The following C6 variants were observed in gnomAD, a reference collection of about 807,000 sequenced individuals.
The protein encoded by C6 is complement C6.
Under a neutral mutation model 112.9 loss-of-function variants are expected in C6, and 101 were observed. The observed-to-expected ratio is 0.89, with a 90% CI of 0.76 to 1.06. C6 has a LOEUF of 1.06. C6 is among the 50% of genes least tolerant of loss of function. C6 has a pLI of 0.00. For missense variants in C6, 1,202 were observed against 1,104.6 expected (o/e 1.09, Z -1.25); for synonymous variants, 431 against 384.1 (o/e 1.12, Z -1.43).
At chr5:41,186,646 A>C (rs1342515432) in intron 5 of C6, among the ~76,000 whole-genome samples, 1 of 152,090 alleles carries the variant, frequency 6.6e-6, no homozygotes, top group Admixed American at 6.6e-5. Context: ...GAATTGTAAT[A>C]ATATTATAGT....
At chr5:41,159,055 C>A in intron 12 of C6, 27 bp downstream of exon 12, 1 of 1,611,982 alleles carries the variant, frequency 6.2e-7, no homozygotes, top group Non-Finnish European at 8.5e-7. Context: ...GCAAAATGAC[C>A]CATTCTTTTC....
chr5:41,172,346 A>AC lies in C6; in HGVS notation c.1169dup (p.Leu391PhefsTer13), dbSNP rs1748496512. 1 of 1,613,368 alleles carries AC rather than the reference A, an allele frequency of 6.2e-7. No individual in the cohort carries two copies. The highest frequency in any genetic ancestry group is 1.1e-5 in the South Asian group (1 of 91,078). On this transcript the variant is annotated frameshift_variant and splice_region_variant, in exon 9 of 18. Coordinates refer to ENST00000337836, the MANE Select transcript of C6 (RefSeq NM_000065.5). LOFTEE classifies it high-confidence loss of function. ...AGTGTTTGGCTTCTTCCTCGGTTAA[A>AC]CCTAGGAGATGAAGTACAAACAGAA...
chr5:41,222,718 T>A (rs1414046153), intron 1 of C6, among the ~76,000 whole-genome samples: 2 of 152,210 alleles, frequency 1.3e-5, no homozygotes, highest in Non-Finnish European at 2.9e-5. Context: ...ACGAGTCAGG[T>A]AGTATTTTAC....
intron 1 of C6, among the ~76,000 whole-genome samples, chr5:41,250,729 A>C (rs1350558845): frequency 6.6e-6 from 1 of 152,206 alleles, no homozygotes; most frequent in African/African-American, 2.4e-5. Context: ...AGGTGAGCCC[A>C]GGTAAGCCAC....
chr5:41,259,840 G>A (rs2910647), intron 1 of C6, among the ~76,000 whole-genome samples: 104,852 of 152,096 alleles, frequency 0.69, 36,262 homozygotes, highest in South Asian at 0.72. Flanking sequence ...GCTTTCAATA[G>A]GGGTGCTGTT....
intron 3 of C6, among the ~76,000 whole-genome samples, chr5:41,200,122 G>A (rs1204590448): frequency 1.3e-5 from 2 of 152,166 alleles, no homozygotes; most frequent in Non-Finnish European, 2.9e-5. Context: ...GTAAAATGAG[G>A]AAGTGGGTTA....
intron 1 of C6, among the ~76,000 whole-genome samples, chr5:41,246,050 A>G (rs1741001089): frequency 6.6e-6 from 1 of 152,212 alleles, no homozygotes; most frequent in Non-Finnish European, 1.5e-5. Flanking sequence ...GAAGGTAGAG[A>G]TGAGTTGAAG....
At chr5:41,191,642 T>G (rs1750222538) in intron 5 of C6, among the ~76,000 whole-genome samples, 1 of 152,176 alleles carries the variant, frequency 6.6e-6, no homozygotes, top group African/African-American at 2.4e-5. Flanking sequence ...TTGGTTAAAT[T>G]TATTCCTAGG....
At position 41,142,851 on chromosome 5, in the gene C6, G is replaced by A; in HGVS notation, c.2779C>T (p.Leu927=). Residue 927 remains leucine, a synonymous_variant, in exon 18 of 18, where the codon CTG becomes TTG. Transcript: ENST00000337836. ...TAGGCCAAACACTTTCCAGGATGCA[G>A]TATTTCCATCTTCCTGTTTGCACAT... The part of the protein sequence containing the change: ...IRCANRKMEI[L]HPGKCLA 1 of 1,613,448 alleles carries A rather than the reference G, an allele frequency of 6.2e-7. No individual in the cohort carries two copies. Among genetic ancestry groups the A allele is most frequent in the Non-Finnish European group, 8.5e-7 (1 of 1,179,550 alleles).
intron 1 of C6, among the ~76,000 whole-genome samples, chr5:41,227,086 G>C (rs750324084): frequency 6.6e-6 from 1 of 152,056 alleles, no homozygotes; most frequent in East Asian, 1.9e-4. Flanking sequence ...GTGTGTAAGA[G>C]TTTTCTTTCC....
rs1036728321 is a variant in C6, at chr5:41,257,237, A to G, written c.-21+3957T>C. Reference sequence around the variant, plus strand: ...CCATCTTTGTGTCCACGTGTAAGCAACGTTTAGCTCCCACTTATAAATCAA... The same window carrying G: ...CCATCTTTGTGTCCACGTGTAAGCAGCGTTTAGCTCCCACTTATAAATCAA... On this transcript the variant is annotated intron_variant, in intron 1 of 17. Coordinates refer to the C6 transcript ENST00000263413. 5.0e-4 allele frequency among the ~76,000 whole-genome samples: 76 copies of G among 151,928 alleles called. 1 individual carries two copies. Among genetic ancestry groups the G allele is most frequent in the Non-Finnish European group, 1.8e-4 (12 of 67,978 alleles).
intron 1 of C6, among the ~76,000 whole-genome samples, chr5:41,247,633 G>A (rs1741101561): frequency 6.6e-6 from 1 of 151,276 alleles, no homozygotes; most frequent in African/African-American, 2.4e-5. Flanking sequence ...CAGGAGAATG[G>A]CATGAACCCG....
At chr5:41,248,656 T>C (rs147947652) in intron 1 of C6, among the ~76,000 whole-genome samples, 205 of 152,220 alleles carry the variant, frequency 1.3e-3, no homozygotes, top group African/African-American at 4.7e-3. Context: ...TGGCTACTAT[T>C]AAAAAGTCAA....
At chr5:41,185,937 A>G in intron 6 of C6, 133 bp downstream of exon 6, 3 of 1,101,362 alleles carry the variant, frequency 2.7e-6, no homozygotes, top group Non-Finnish European at 4.1e-6. Flanking sequence ...ATAAAATACA[A>G]ACACATAACA....
In C6 at chr5:41,184,867, G is replaced by A. The variant is rs773300384; in HGVS notation, c.726+1203C>T. On this transcript the variant is annotated intron_variant, in intron 6 of 17. Transcript: ENST00000337836. Reference sequence around the variant, plus strand: ...GAATCAAGTAAAGCAATATATGAAAGTACTTTGAAGACTCTAAGGTATCAT... The same window carrying A: ...GAATCAAGTAAAGCAATATATGAAAATACTTTGAAGACTCTAAGGTATCAT... 6.6e-5 allele frequency among the ~76,000 whole-genome samples: 10 copies of A among 152,250 alleles called. No individual in the cohort carries two copies. The South Asian group carries it at 2.1e-3, about 32-fold the overall frequency.
chr5:41,190,019 A>G (rs1750074528), intron 5 of C6, among the ~76,000 whole-genome samples: 1 of 152,210 alleles, frequency 6.6e-6, no homozygotes, highest in South Asian at 2.1e-4. Context: ...GTTGATGGAC[A>G]CTTAGACTGA....
chr5:41,145,874 A>G (rs1341656728), intron 17 of C6, among the ~76,000 whole-genome samples: 1 of 152,160 alleles, frequency 6.6e-6, no homozygotes, highest in Non-Finnish European at 1.5e-5. Flanking sequence ...TAGTATGGAT[A>G]TAGCTTAAAT....
chr5:41,170,550 G>T (rs141604264), intron 9 of C6, among the ~76,000 whole-genome samples: 1 of 151,992 alleles, frequency 6.6e-6, no homozygotes, highest in East Asian at 1.9e-4. Context: ...TATTTGCTTT[G>T]CATGCTATAT....
intron 5 of C6, among the ~76,000 whole-genome samples, chr5:41,191,789 G>A (rs1221152409): frequency 2.1e-5 from 3 of 143,860 alleles, no homozygotes. Flanking sequence ...ATCATTTCTA[G>A]GGCCTTTTTT....
Sources: allele counts gnomAD v4.1 joint callset (sites outside exome capture counted in the v4.1 genomes callset), GRCh38; gene constraint gnomAD v4.1.1; transcripts MANE v1.5; gene names NCBI Gene and HGNC (gene_info 2026-07-23, HGNC 2026-07-21).